Variants in FUT8 observed in about 807,000 individuals in gnomAD.
FUT8 encodes the protein alpha-(1,6)-fucosyltransferase.
FUT8 carries 29 observed loss-of-function variants against 71.3 expected under a neutral mutation model. That is an observed-to-expected ratio of 0.41 (90% confidence interval 0.30 to 0.55). The LOEUF is 0.55. FUT8 is among the 20% of genes least tolerant of loss of function. The pLI is 0.34. For missense variants in FUT8, 544 were observed against 702.1 expected (o/e 0.77, Z 2.55); for synonymous variants, 254 against 239.3 (o/e 1.06, Z -0.57).
chr14:65,629,937 C>T (rs893689753), intron 6 of FUT8, among the ~76,000 whole-genome samples: 1 of 152,000 alleles, frequency 6.6e-6, no homozygotes, highest in Admixed American at 6.6e-5. Context: ...AGTAAGGAGA[C>T]ATCAGGGATA....
Position 65,483,246 on chromosome 14 carries a change from AG to A in FUT8, c.-228+27529del, listed in dbSNP as rs1447714073. Among the ~76,000 whole-genome samples the A allele has an allele frequency of 2.0e-5, 3 of 152,200 alleles. No individual in the cohort carries two copies. Among genetic ancestry groups the A allele is most frequent in the Admixed American group, 1.3e-4 (2 of 15,276 alleles). ...TTCTCTCCAACAAGGTCTGGATCTCAGCCCTGGGATGGTTTAGGGTCGGAGG... is the reference window on the plus strand; with the variant it reads ...TTCTCTCCAACAAGGTCTGGATCTCACCCTGGGATGGTTTAGGGTCGGAGG... On this transcript the variant is annotated intron_variant, in intron 2 of 10. Coordinates refer to ENST00000673929, the MANE Select transcript of FUT8 (RefSeq NM_001371533.1). This position sits in a 1 kb window ranked among gnomAD's most constrained non-coding sequence, Gnocchi z 4.4.
intron 1 of FUT8, among the ~76,000 whole-genome samples, chr14:65,441,371 A>G (rs1195656830): frequency 6.6e-6 from 1 of 152,194 alleles, no homozygotes; most frequent in Non-Finnish European, 1.5e-5. Context: ...ATATATGTTG[A>G]TAATTATTAA....
intron 2 of FUT8, among the ~76,000 whole-genome samples, chr14:65,547,308 C>G (rs2139988292): frequency 6.6e-6 from 1 of 151,546 alleles, no homozygotes; most frequent in South Asian, 2.1e-4. Flanking sequence ...ACTTTTATAC[C>G]TCTTGAGGTA....
At chr14:65,621,246 T>G (rs1039396506) in intron 5 of FUT8, among the ~76,000 whole-genome samples, 2 of 142,216 alleles carry the variant, frequency 1.4e-5, no homozygotes, top group Admixed American at 6.9e-5. Flanking sequence ...TTTGTTCCTG[T>G]TTTTTTTTTT....
intron 9 of FUT8, among the ~76,000 whole-genome samples, chr14:65,724,637 A>G (rs1265683837): frequency 6.6e-6 from 1 of 152,342 alleles, no homozygotes; most frequent in South Asian, 2.1e-4. Context: ...AGTCTGTTGG[A>G]GCTGCCATAA....
chr14:65,396,697 C>T, the FUT8 span, among the ~76,000 whole-genome samples: 2 of 152,182 alleles, frequency 1.3e-5, no homozygotes, highest in Non-Finnish European at 2.9e-5. This position sits in a 1 kb window ranked among gnomAD's most constrained non-coding sequence, Gnocchi z 5.5. Flanking sequence ...GAGGATGCAG[C>T]CTAGGGCACT....
chr14:65,490,803 C>A (rs747977279), intron 2 of FUT8, among the ~76,000 whole-genome samples: 2 of 152,052 alleles, frequency 1.3e-5, no homozygotes, highest in African/African-American at 4.8e-5. Flanking sequence ...TGGCAAAAAG[C>A]AAGGTTTAGA....
In FUT8 at chr14:65,618,091, G is replaced by A. The variant is rs1039874194; in HGVS notation, c.482+1718G>A. On this transcript the variant is annotated intron_variant, in intron 5 of 10. Transcript: ENST00000673929. ...TTTATTTATTTATTTTTTAGATGTGGAGGTCTTTCTATGTTACCCAGGCCA... is the reference window on the plus strand; with the variant it reads ...TTTATTTATTTATTTTTTAGATGTGAAGGTCTTTCTATGTTACCCAGGCCA... Among the ~76,000 whole-genome samples the A allele has an allele frequency of 3.8e-5, 5 of 133,124 alleles. No individual in the cohort carries two copies. In the East Asian group the frequency reaches 1.0e-3, roughly 27 times the overall value. The allele number at this position is 133,124 out of a possible 152,430, so 87.3% of individuals were successfully genotyped here. A position where few individuals can be genotyped will look rare whatever the true frequency, so the allele number is the denominator to read the frequency against.
chr14:65,647,000 T>C (rs1368709190), intron 6 of FUT8, among the ~76,000 whole-genome samples: 1 of 152,204 alleles, frequency 6.6e-6, no homozygotes, highest in African/African-American at 2.4e-5. Flanking sequence ...TATCTAAACC[T>C]AAAATACCAA....
chr14:65,443,964 C>T (rs1199107889), intron 1 of FUT8, among the ~76,000 whole-genome samples: 1 of 152,032 alleles, frequency 6.6e-6, no homozygotes, highest in East Asian at 1.9e-4. Flanking sequence ...TAAGTTTTTA[C>T]TAAAAGTTTA....
chr14:65,669,209 T>G lies in FUT8; in HGVS notation c.598-34T>G. ...GAGCAGTTGACCTCTCTGTACAACT[T>G]ATCTTTATTTTCATTTCTCTTTCTC... is the stretch of plus-strand genomic sequence containing the variant. On this transcript the variant is annotated intron_variant, in intron 6 of 10. Transcript: ENST00000673929. This position sits in a 1 kb window ranked among gnomAD's most constrained non-coding sequence, Gnocchi z 4.5. 6.5e-7 allele frequency: 1 copy of G among 1,540,486 alleles called. No individual in the cohort carries two copies. The highest frequency in any genetic ancestry group is 8.9e-7 in the Non-Finnish European group (1 of 1,117,510).
intron 2 of FUT8, among the ~76,000 whole-genome samples, chr14:65,506,664 G>A (rs77175107): frequency 0.016 from 2,373 of 152,104 alleles, 52 homozygotes; most frequent in East Asian, 0.092. Context: ...GTACATAGTA[G>A]GTATATGTAT....
At chr14:65,609,173 TA>T in intron 3 of FUT8, among the ~76,000 whole-genome samples, 1 of 151,628 alleles carries the variant, frequency 6.6e-6, no homozygotes, top group Admixed American at 6.6e-5. Context: ...CGCGCTCCTG[TA>T]GTCCCAGCTA....
chr14:65,489,754 A>G lies in FUT8; in HGVS notation c.-228+34036A>G, dbSNP rs906602703. Among the ~76,000 whole-genome samples, 1 of 152,104 alleles carries G rather than the reference A, an allele frequency of 6.6e-6. No homozygotes were observed. Among genetic ancestry groups the G allele is most frequent in the Non-Finnish European group, 1.5e-5 (1 of 67,974 alleles). ...TTAAAAAGGATTCTATGTTTTGTTTATTGGTATCACACACGTGTCATGTGG... is the reference window on the plus strand; with the variant it reads ...TTAAAAAGGATTCTATGTTTTGTTTGTTGGTATCACACACGTGTCATGTGG... On this transcript the variant is annotated intron_variant, in intron 2 of 10. Transcript: ENST00000673929. The surrounding 1 kb of genome is among the most constrained non-coding windows in gnomAD (Gnocchi z 4.0).
rs771288535 is a variant in FUT8, at chr14:65,539,419, G to A, written c.-227-21918G>A. ...GCTCTTCCTGGTTTTGTGATCTTAG[G>A]CAAATTAATTAACCTTTTGTGTTTT... On this transcript the variant is annotated intron_variant, in intron 2 of 10. Coordinates refer to ENST00000673929, the MANE Select transcript of FUT8 (RefSeq NM_001371533.1). Among the ~76,000 whole-genome samples, 141 of 152,190 alleles carry A rather than the reference G, an allele frequency of 9.3e-4. 1 individual carries two copies. The highest frequency in any genetic ancestry group is 3.0e-3 in the African/African-American group (123 of 41,528).
intron 1 of FUT8, among the ~76,000 whole-genome samples, chr14:65,433,142 G>T (rs2065502089): frequency 6.6e-6 from 1 of 152,100 alleles, no homozygotes; most frequent in Non-Finnish European, 1.5e-5. Context: ...GTAAGTGTTG[G>T]GATCCTGTAA....
chr14:65,412,713 G>A (rs1289918147), upstream of FUT8: 3 of 177,402 alleles, frequency 1.7e-5, no homozygotes, highest in Non-Finnish European at 3.6e-5. Flanking sequence ...CAGGAACGCC[G>A]AGGGGCGCGC....
At chr14:65,557,458 A>G (rs926371361) in intron 2 of FUT8, among the ~76,000 whole-genome samples, 20 of 151,522 alleles carry the variant, frequency 1.3e-4, no homozygotes, top group Non-Finnish European at 2.7e-4. Context: ...CAGCCTCCTA[A>G]GTAGCTGGGA....
intron 5 of FUT8, chr14:65,617,328 A>G: frequency 1.0e-6 from 1 of 975,632 alleles, no homozygotes. Context: ...CTACAGAAAT[A>G]TGATAGCATG....
Sources: gnomAD v4.1 joint callset for allele counts (sites outside exome capture counted in the v4.1 genomes callset) on GRCh38, gnomAD v4.1.1 for gene constraint, Gnocchi (gnomAD v3.1) non-coding constraint, MANE v1.5 for transcripts, NCBI Gene and HGNC (gene_info 2026-07-23, HGNC 2026-07-21) for gene names.